Variants in SYTL3 observed in about 807,000 individuals in gnomAD.
SYTL3 encodes synaptotagmin-like protein 3.
Under a neutral mutation model 82.1 loss-of-function variants are expected in SYTL3, and 88 were observed. The ratio of observed to expected loss-of-function variants is 1.07; its 90% CI spans 0.90 to 1.28. SYTL3 has a LOEUF of 1.28. Among genes scored for constraint, SYTL3 ranks in the 50% most tolerant of loss-of-function variants. The pLI is 0.00. For synonymous variants in SYTL3, 311 were observed against 289.4 expected (o/e 1.07, Z -0.76); for missense variants, 831 against 757.6 (o/e 1.10, Z -1.14).
At chr6:158,650,509 T>C (rs1405926025) in intron 1 of SYTL3, among the ~76,000 whole-genome samples, 1 of 152,192 alleles carries the variant, frequency 6.6e-6, no homozygotes, top group Non-Finnish European at 1.5e-5. Flanking sequence ...AGGTGGAACA[T>C]AAATATCATT....
At chr6:158,755,824 G>A (rs962830662) in intron 13 of SYTL3, among the ~76,000 whole-genome samples, 12 of 152,202 alleles carry the variant, frequency 7.9e-5, no homozygotes, top group African/African-American at 1.4e-4. Flanking sequence ...GCGCCGGAGT[G>A]GGGGCAGCAT....
intron 14 of SYTL3, 45 bp downstream of exon 14, chr6:158,757,426 T>C (rs1562469564): frequency 2.5e-6 from 4 of 1,593,778 alleles, no homozygotes; most frequent in East Asian, 2.2e-5. Flanking sequence ...CCCACTGTGA[T>C]AGATAAATAA....
chr6:158,737,562 CT>C (rs1372916305), intron 11 of SYTL3, among the ~76,000 whole-genome samples: 2 of 152,218 alleles, frequency 1.3e-5, no homozygotes, highest in Non-Finnish European at 2.9e-5. Flanking sequence ...CCCAGATTGA[CT>C]TTCTTTCAAA....
intron 8 of SYTL3, among the ~76,000 whole-genome samples, chr6:158,712,944 G>A (rs1358267693): frequency 1.3e-5 from 2 of 151,660 alleles, no homozygotes; most frequent in African/African-American, 4.8e-5. Context: ...TGTATTTTTA[G>A]TAGAGACGGG....
At position 158,702,539 on chromosome 6, in the gene SYTL3, C is replaced by T. The variant is rs1781436657; in HGVS notation, c.395-4691C>T. On this transcript the variant is annotated intron_variant, in intron 6 of 17. Coordinates refer to ENST00000611299, the MANE Select transcript of SYTL3 (RefSeq NM_001242394.2). ...CCTGAGTGACAGAGTAAAACCCCGTCTCAAAAACAAGAGGGGGGGAAAAGA... is the reference window on the plus strand; with the variant it reads ...CCTGAGTGACAGAGTAAAACCCCGTTTCAAAAACAAGAGGGGGGGAAAAGA... Among the ~76,000 whole-genome samples the T allele has an allele frequency of 2.0e-5, 3 of 151,000 alleles. No individual in the cohort carries two copies. In the South Asian group the frequency reaches 6.3e-4, roughly 32 times the overall value.
Position 158,665,580 on chromosome 6 carries a change from A to G in SYTL3, c.296A>G (p.His99Arg), listed in dbSNP as rs759163044. The change falls in exon 5 of 18, where the codon CAT becomes CGT. Residue 99 changes from histidine to arginine, a missense_variant. Transcript: ENST00000611299. ...TGCCGAGTGTTCCTGAGGGGGACCC[A>G]TGCCTGGAAGTGCACGGTGTGCTTC... Reference protein sequence around the residue: ...AQCRVFLRGTHAWKCTVCFED... With the variant: ...AQCRVFLRGTRAWKCTVCFED... The G allele has an allele frequency of 2.5e-6, 4 of 1,576,382 alleles. No individual in the cohort carries two copies. The highest frequency in any genetic ancestry group is 3.4e-6 in the Non-Finnish European group (4 of 1,161,370).
intron 6 of SYTL3, among the ~76,000 whole-genome samples, chr6:158,697,233 G>A (rs1393711890): frequency 2.1e-5 from 3 of 141,448 alleles, no homozygotes; most frequent in African/African-American, 5.3e-5. Context: ...GACCCCAGGA[G>A]TTCGAGACCA....
intron 5 of SYTL3, among the ~76,000 whole-genome samples, chr6:158,678,422 C>T (rs1316452155): frequency 2.6e-5 from 4 of 151,670 alleles, no homozygotes; most frequent in Non-Finnish European, 4.4e-5. Context: ...AGCTTAGCCA[C>T]CTGCAGATGC....
chr6:158,660,197 G>A (rs1362612380), intron 2 of SYTL3, among the ~76,000 whole-genome samples: 7 of 152,020 alleles, frequency 4.6e-5, no homozygotes, highest in African/African-American at 1.5e-4. Flanking sequence ...CCCAGGAGGC[G>A]GAGGTTGCAG....
intron 17 of SYTL3, 141 bp from the exon 18 acceptor site, chr6:158,764,354 G>A: frequency 1.6e-6 from 1 of 621,514 alleles, no homozygotes; most frequent in South Asian, 1.9e-5. Flanking sequence ...AGTGGTGGTG[G>A]CGGCGTCTGT....
intron 2 of SYTL3, among the ~76,000 whole-genome samples, chr6:158,653,855 G>C (rs1788349779): frequency 6.6e-6 from 1 of 152,198 alleles, no homozygotes; most frequent in African/African-American, 2.4e-5. Flanking sequence ...ACCAGGGAGG[G>C]CTGAACATTT....
At chr6:158,703,928 C>T (rs1319240077) in intron 6 of SYTL3, among the ~76,000 whole-genome samples, 1 of 151,080 alleles carries the variant, frequency 6.6e-6, no homozygotes. Context: ...CAACCTTTGC[C>T]TCTTGAGTTC....
intron 15 of SYTL3, among the ~76,000 whole-genome samples, chr6:158,761,333 T>C (rs1444399154): frequency 2.0e-4 from 22 of 108,150 alleles, no homozygotes; most frequent in Non-Finnish European, 4.1e-4. Flanking sequence ...GACAGAGTTT[T>C]GCTCTGTCAC....
At chr6:158,692,528 T>C (rs6929617) in intron 6 of SYTL3, among the ~76,000 whole-genome samples, 99,937 of 151,778 alleles carry the variant, frequency 0.66, 35,209 homozygotes, top group African/African-American at 0.91. Context: ...GTGACTTTTC[T>C]AAGTTGTATT....
intron 9 of SYTL3, 116 bp downstream of exon 9, chr6:158,713,994 C>G (rs1378809798): frequency 1.3e-6 from 1 of 741,552 alleles, no homozygotes; most frequent in Non-Finnish European, 2.4e-6. Flanking sequence ...CTCACTTTGT[C>G]TCTGGACCCT....
In SYTL3 at chr6:158,707,406, T is replaced by C. The variant is rs1319077035; in HGVS notation, c.446+125T>C. 1.8e-4 allele frequency: 131 copies of C among 747,934 alleles called. No individual in the cohort carries two copies. In the East Asian group the frequency reaches 3.5e-3, roughly 20 times the overall value. The allele number at this position is 747,934 out of a possible 1,614,324, so 46.3% of individuals were successfully genotyped here. On this transcript the variant is annotated intron_variant, in intron 7 of 17. Coordinates refer to ENST00000611299, the MANE Select transcript of SYTL3 (RefSeq NM_001242394.2). ...TGCTTTGGAATGTGACTCTTTTTTT[T>C]TTTTTTCTTTTAAAGATAAAGTTCC...
rs988140096 is a variant in SYTL3 at position 158,665,723 on chromosome 6, T to G, written c.329+110T>G. The G allele has an allele frequency of 3.9e-6, 3 of 775,628 alleles. No individual in the cohort carries two copies. In the African/African-American group the frequency reaches 5.3e-5, roughly 14 times the overall value. The allele number at this position is 775,628 out of a possible 1,614,324, so 48.0% of individuals were successfully genotyped here. On this transcript the variant is annotated intron_variant, in intron 5 of 17. Coordinates refer to ENST00000611299, the MANE Select transcript of SYTL3 (RefSeq NM_001242394.2). ...TCACTCCTCACCTTCAGCCAGTAAA[T>G]GTGTACCGAGTGCCTGATAGGGAGC...
chr6:158,663,375 C>G lies in SYTL3; in HGVS notation c.107C>G (p.Thr36Arg). 1 of 1,613,406 alleles carries G rather than the reference C, an allele frequency of 6.2e-7. No homozygotes were observed. The highest frequency in any genetic ancestry group is 8.5e-7 in the Non-Finnish European group (1 of 1,179,918). The change falls in exon 4 of 18, where the codon ACA becomes AGA. Residue 36 changes from threonine to arginine, a missense_variant. Physicochemically the swap from Thr to Arg is moderately conservative, Grantham distance 71. Coordinates refer to ENST00000611299, the MANE Select transcript of SYTL3 (RefSeq NM_001242394.2). The part of the protein sequence containing the change: ...QAVQNTEEER[T>R]RKLKTHLQHL... ...GTTCAAAACACAGAGGAGGAGAGGA[C>G]ACGGTAGGCTGCCCTTCCCGGGGGG...
chr6:158,680,630 T>C (rs1458975562), intron 5 of SYTL3, among the ~76,000 whole-genome samples: 1 of 150,604 alleles, frequency 6.6e-6, no homozygotes, highest in South Asian at 2.1e-4. Context: ...CACGTGCCTT[T>C]AGTGTCAGCT....
Sources: gnomAD v4.1 joint callset for allele counts (sites outside exome capture counted in the v4.1 genomes callset) on GRCh38, gnomAD v4.1.1 for gene constraint, MANE v1.5 for transcripts, NCBI Gene and HGNC (gene_info 2026-07-23, HGNC 2026-07-21) for gene names.